The following EPHA5 variants were observed in gnomAD, a reference collection of about 807,000 sequenced individuals.
The protein encoded by EPHA5 is EPH receptor A5.
Under a neutral mutation model 105.0 loss-of-function variants are expected in EPHA5, and 60 were observed. The ratio of observed to expected loss-of-function variants is 0.57; its 90% CI spans 0.46 to 0.71. EPHA5 has a LOEUF of 0.71. Ranked by LOEUF, EPHA5 falls within the 30% of genes least tolerant of loss-of-function variation. The pLI is 0.00. For missense variants in EPHA5, 1,218 were observed against 1,274.7 expected (o/e 0.96, Z 0.68); for synonymous variants, 513 against 449.1 (o/e 1.14, Z -1.80).
intron 5 of EPHA5, among the ~76,000 whole-genome samples, chr4:65,481,937 C>T (rs557780976): frequency 6.6e-5 from 10 of 152,246 alleles, no homozygotes; most frequent in African/African-American, 1.4e-4. Context: ...GGAGTTCTTC[C>T]TTTTAATATA....
At chr4:65,343,412 A>T (rs1274959375) in intron 14 of EPHA5, among the ~76,000 whole-genome samples, 1 of 152,190 alleles carries the variant, frequency 6.6e-6, no homozygotes, top group African/African-American at 2.4e-5. Context: ...CCTGACACAG[A>T]GGAAGATCTC....
At chr4:65,324,246 G>A (rs1229503359) in intron 16 of EPHA5, 27 bp from the exon 17 acceptor site, 2 of 1,497,238 alleles carry the variant, frequency 1.3e-6, no homozygotes, top group Non-Finnish European at 1.9e-6. Flanking sequence ...CACATTGGAT[G>A]TATTGATTCA....
At chr4:65,576,770 A>G (rs1373306516) in intron 3 of EPHA5, among the ~76,000 whole-genome samples, 33 of 152,204 alleles carry the variant, frequency 2.2e-4, no homozygotes, top group Non-Finnish European at 4.4e-5. Context: ...CACTTACCAT[A>G]TAACTCTATT....
At chr4:65,551,280 GTATA>G (rs35570226) in intron 3 of EPHA5, among the ~76,000 whole-genome samples, 34,436 of 140,384 alleles carry the variant, frequency 0.25, 4,600 homozygotes, top group African/African-American at 0.36. Context: ...GTGTGTGTGT[GTATA>G]TATATATATA....
chr4:65,375,735 G>C (rs1185897588), intron 8 of EPHA5, among the ~76,000 whole-genome samples: 1 of 151,390 alleles, frequency 6.6e-6, no homozygotes, highest in Non-Finnish European at 1.5e-5. Context: ...AAGTAGAATA[G>C]ACAATTCAAT....
At chr4:65,533,852 T>C (rs1433458423) in intron 3 of EPHA5, among the ~76,000 whole-genome samples, 1 of 151,996 alleles carries the variant, frequency 6.6e-6, no homozygotes, top group Non-Finnish European at 1.5e-5. Flanking sequence ...GAGAGTCACT[T>C]GAACCTGGGA....
intron 3 of EPHA5, among the ~76,000 whole-genome samples, chr4:65,529,806 T>A (rs1735590088): frequency 6.6e-6 from 1 of 152,120 alleles, no homozygotes; most frequent in Non-Finnish European, 1.5e-5. Context: ...GAATTATAAT[T>A]AATAGTCTAC....
intron 5 of EPHA5, among the ~76,000 whole-genome samples, chr4:65,466,476 G>C (rs1265020380): frequency 6.6e-6 from 1 of 152,180 alleles, no homozygotes; most frequent in East Asian, 1.9e-4. Flanking sequence ...AGGGTTTTGA[G>C]GAGGGAAGTA....
intron 3 of EPHA5, among the ~76,000 whole-genome samples, chr4:65,519,788 G>T (rs532053834): frequency 8.5e-5 from 13 of 152,060 alleles, no homozygotes; most frequent in Admixed American, 2.6e-4. Context: ...TTGCTTCAAA[G>T]AGAATAAAAT....
intron 4 of EPHA5, among the ~76,000 whole-genome samples, 176 bp from the exon 5 acceptor site, chr4:65,490,888 A>C (rs1259774049): frequency 6.6e-6 from 1 of 152,202 alleles, no homozygotes; most frequent in African/African-American, 2.4e-5. Flanking sequence ...TTTATTCCCT[A>C]TGGAAATGAC....
At chr4:65,515,394 T>G (rs1007276602) in intron 3 of EPHA5, among the ~76,000 whole-genome samples, 3 of 152,132 alleles carry the variant, frequency 2.0e-5, no homozygotes, top group Admixed American at 6.6e-5. Flanking sequence ...TCTGTTAAAA[T>G]TTTAACTCTG....
chr4:65,467,725 C>T (rs1219913026), intron 5 of EPHA5, among the ~76,000 whole-genome samples: 1 of 152,096 alleles, frequency 6.6e-6, no homozygotes, highest in Non-Finnish European at 1.5e-5. Flanking sequence ...GGATATGTAA[C>T]ATTACATGAC....
intron 5 of EPHA5, among the ~76,000 whole-genome samples, chr4:65,427,066 A>C (rs186120882): frequency 0.027 from 4,005 of 150,282 alleles, 61 homozygotes; most frequent in Admixed American, 0.061. Flanking sequence ...AATAAGAGTT[A>C]CTGGAAAAAA....
chr4:65,575,870 G>C (rs1560720112), intron 3 of EPHA5, among the ~76,000 whole-genome samples: 1 of 151,222 alleles, frequency 6.6e-6, no homozygotes, highest in Non-Finnish European at 1.5e-5. Flanking sequence ...CCAGCTACTT[G>C]GGAGGCTGAG....
At chr4:65,634,674 T>C (rs1746956257) in intron 2 of EPHA5, among the ~76,000 whole-genome samples, 1 of 152,090 alleles carries the variant, frequency 6.6e-6, no homozygotes, top group African/African-American at 2.4e-5. Context: ...TATATTATAA[T>C]ATCCATTCCC....
intron 11 of EPHA5, among the ~76,000 whole-genome samples, chr4:65,362,506 T>A (rs1717425180): frequency 6.6e-6 from 1 of 151,698 alleles, no homozygotes; most frequent in Non-Finnish European, 1.5e-5. Context: ...CAAATAAATA[T>A]TGTTGGTATT....
chr4:65,441,291 T>A (rs1162317079), intron 5 of EPHA5, among the ~76,000 whole-genome samples: 4 of 152,012 alleles, frequency 2.6e-5, no homozygotes, highest in African/African-American at 9.7e-5. Flanking sequence ...TTCATGTGAA[T>A]TAAACTATCC....
intron 15 of EPHA5, among the ~76,000 whole-genome samples, chr4:65,332,729 T>C (rs1720756719): frequency 6.6e-6 from 1 of 151,844 alleles, no homozygotes; most frequent in Non-Finnish European, 1.5e-5. Context: ...ATCAGTCTAC[T>C]AAAATTTGTC....
intron 3 of EPHA5, among the ~76,000 whole-genome samples, chr4:65,574,677 T>TATAC (rs1553942769): frequency 3.1e-4 from 11 of 35,214 alleles, no homozygotes; most frequent in Non-Finnish European, 3.2e-4. Flanking sequence ...CACATATATA[T>TATAC]ACATATATAT....
Sources: allele counts gnomAD v4.1 joint callset (sites outside exome capture counted in the v4.1 genomes callset), GRCh38; gene constraint gnomAD v4.1.1; transcripts MANE v1.5; gene names NCBI Gene and HGNC (gene_info 2026-07-23, HGNC 2026-07-21).